CASK: variants seen among roughly 807,000 people sequenced by gnomAD.
CASK encodes peripheral plasma membrane protein CASK.
Under a neutral mutation model 82.9 loss-of-function variants are expected in CASK, and 4 were observed. The observed-to-expected ratio is 0.05, with a 90% CI of 0.02 to 0.11. CASK has a LOEUF of 0.11. Ranked by LOEUF, CASK falls within the 10% of genes least tolerant of loss-of-function variation. The pLI, the probability that CASK is intolerant of heterozygous loss-of-function variation, is 1.00. For synonymous variants in CASK, 259 were observed against 253.5 expected (o/e 1.02, Z -0.20); for missense variants, 358 against 720.9 (o/e 0.50, Z 5.76).
intron 5 of CASK, among the ~76,000 whole-genome samples, chrX:41,702,256 ATG>A (rs1182681324): frequency 1.8e-5 from 2 of 110,161 alleles, no homozygotes; most frequent in Non-Finnish European, 1.9e-5. Flanking sequence ...GTGGTGGCGC[ATG>A]CCTGTAATCC....
At chrX:41,813,405 T>A (rs2070343711) in intron 2 of CASK, among the ~76,000 whole-genome samples, 1 of 110,488 alleles carries the variant, frequency 9.1e-6, no homozygotes, top group African/African-American at 3.3e-5. Flanking sequence ...TATAGACCAA[T>A]GGAACAGAAC....
At chrX:41,807,481 G>A (rs2070146843) in intron 2 of CASK, among the ~76,000 whole-genome samples, 2 of 111,752 alleles carry the variant, frequency 1.8e-5, no homozygotes, top group African/African-American at 6.5e-5. Flanking sequence ...TTGCATCCCA[G>A]ACACTTAGTA....
At chrX:41,577,466 C>T (rs764347194) in intron 15 of CASK, among the ~76,000 whole-genome samples, 7 of 111,155 alleles carry the variant, frequency 6.3e-5, no homozygotes, top group Admixed American at 9.6e-5. Context: ...TAATATTATC[C>T]CCCTGCTTGA....
chrX:41,573,059 G>A (rs2065434951), intron 15 of CASK, among the ~76,000 whole-genome samples: 1 of 103,588 alleles, frequency 9.7e-6, no homozygotes, highest in South Asian at 4.2e-4. Context: ...TCCTCTGTGT[G>A]TAAAATTTCT....
chrX:41,888,700 TAC>T (rs756622246), intron 1 of CASK, among the ~76,000 whole-genome samples: 2 of 102,011 alleles, frequency 2.0e-5, no homozygotes, highest in South Asian at 4.1e-4. Flanking sequence ...TGTATATATA[TAC>T]GTATATATGT....
intron 11 of CASK, among the ~76,000 whole-genome samples, chrX:41,615,076 G>C (rs971993198): frequency 1.8e-5 from 2 of 112,008 alleles, no homozygotes; most frequent in African/African-American, 6.5e-5. Flanking sequence ...AAAGTGCTGG[G>C]ATTACAGGTG....
intron 5 of CASK, chrX:41,683,248 G>A (rs1264311129): frequency 9.0e-6 from 1 of 111,625 alleles, no homozygotes; most frequent in East Asian, 2.8e-4. Context: ...GATCAGCACG[G>A]GAGTTTTGAC....
At chrX:41,529,378 G>GAGC (rs775869218) in intron 25 of CASK, among the ~76,000 whole-genome samples, 1 of 112,002 alleles carries the variant, frequency 8.9e-6, no homozygotes, top group Non-Finnish European at 1.9e-5. Context: ...GCTATGGGTG[G>GAGC]AGCAGCAGCA....
At chrX:41,679,467 G>A (rs894932102) in intron 5 of CASK, among the ~76,000 whole-genome samples, 3 of 111,978 alleles carry the variant, frequency 2.7e-5, no homozygotes, top group African/African-American at 6.5e-5. Context: ...TACTACTGCC[G>A]TAAGTATTGC....
At chrX:41,886,126 A>G (rs950814438) in intron 1 of CASK, among the ~76,000 whole-genome samples, 1 of 111,772 alleles carries the variant, frequency 8.9e-6, no homozygotes, top group African/African-American at 3.3e-5. Flanking sequence ...AGGACCCCCA[A>G]CCTCAAGAAG....
At chrX:41,536,993 A>G (rs1455647990) in intron 22 of CASK, among the ~76,000 whole-genome samples, 27 of 112,308 alleles carry the variant, frequency 2.4e-4, no homozygotes. Flanking sequence ...TATTTTAATA[A>G]AAATAAGCAA....
intron 3 of CASK, among the ~76,000 whole-genome samples, chrX:41,779,825 C>G (rs2069439749): frequency 9.1e-6 from 1 of 109,901 alleles, no homozygotes; most frequent in Non-Finnish European, 1.9e-5. Flanking sequence ...CACTCCCTTC[C>G]CCAGGCATAA....
intron 18 of CASK, 31 bp from the exon 19 acceptor site, chrX:41,557,131 G>C (rs1387002710): frequency 3.8e-6 from 4 of 1,046,285 alleles, no homozygotes; most frequent in African/African-American, 3.7e-5. Flanking sequence ...CATTAACACA[G>C]AACACCAGCA....
intron 1 of CASK, among the ~76,000 whole-genome samples, chrX:41,907,465 C>T (rs965904427): frequency 1.8e-5 from 2 of 111,875 alleles, no homozygotes; most frequent in South Asian, 3.7e-4. Flanking sequence ...AAGTTGACCA[C>T]CAATCACCTT....
intron 2 of CASK, among the ~76,000 whole-genome samples, chrX:41,821,000 G>T (rs747740228): frequency 1.8e-5 from 2 of 110,570 alleles, no homozygotes; most frequent in South Asian, 7.6e-4. Flanking sequence ...AAAATATAAA[G>T]AAAATTTTCA....
At chrX:41,837,571 C>CTT (rs2070950510) in intron 2 of CASK, among the ~76,000 whole-genome samples, 1 of 112,105 alleles carries the variant, frequency 8.9e-6, no homozygotes, top group South Asian at 3.7e-4. Flanking sequence ...CACTTTGAAA[C>CTT]TTATATAAAG....
intron 11 of CASK, among the ~76,000 whole-genome samples, chrX:41,616,606 C>CTTTT (rs377377142): frequency 1.0e-5 from 1 of 99,222 alleles, no homozygotes; most frequent in African/African-American, 3.6e-5. Flanking sequence ...TAACCAAAAT[C>CTTTT]TTTTTTTTTT....
At chrX:41,591,369 C>T (rs913761528) in intron 12 of CASK, among the ~76,000 whole-genome samples, 1 of 112,278 alleles carries the variant, frequency 8.9e-6, no homozygotes, top group Admixed American at 9.4e-5. Context: ...AACTAAGAAA[C>T]CATAAAACAC....
chrX:41,745,574 T>C lies in CASK; in HGVS notation c.306A>G (p.Glu102=), dbSNP rs2068673593. The change falls in exon 4 of 27, where the codon GAA becomes GAG. Residue 102 remains glutamate, a synonymous_variant. Transcript: ENST00000378163. ...AACCAGCGTCAGCTCGCTTTACGATTTCAAAACACAGATCTGCTCCATCCA... is the reference window on the plus strand; with the variant it reads ...AACCAGCGTCAGCTCGCTTTACGATCTCAAAACACAGATCTGCTCCATCCA... ...EFMDGADLCF[E]IVKRADAGFV... 8.3e-7 allele frequency: 1 copy of C among 1,202,939 alleles called. No homozygotes were observed.
Sources: allele counts gnomAD v4.1 joint callset (sites outside exome capture counted in the v4.1 genomes callset), GRCh38; gene constraint gnomAD v4.1.1; transcripts MANE v1.5; gene names NCBI Gene and HGNC (gene_info 2026-07-23, HGNC 2026-07-21).